The following HERC2 variants were observed in gnomAD, a reference collection of about 807,000 sequenced individuals.
HERC2 encodes the protein HECT and RLD domain containing E3 ubiquitin protein ligase 2, also known as E3 ubiquitin-protein ligase HERC2.
A neutral mutation model predicts 537.7 loss-of-function variants in HERC2; 102 were observed. The ratio of observed to expected loss-of-function variants is 0.19; its 90% CI spans 0.16 to 0.22. The LOEUF (loss-of-function observed/expected upper bound fraction) is 0.22. Among genes scored for constraint, HERC2 ranks in the 10% least tolerant of loss-of-function variants. HERC2 has a pLI of 1.00. For synonymous variants in HERC2, 2,224 were observed against 2,466.2 expected (o/e 0.90, Z 2.91); for missense variants, 4,236 against 6,198.2 (o/e 0.68, Z 10.63).
At position 28,232,896 on chromosome 15, in the gene HERC2, T is replaced by C. The variant is rs1296117375; in HGVS notation, c.4675+250A>G. 2.0e-5 allele frequency among the ~76,000 whole-genome samples: 3 copies of C among 152,378 alleles called. No homozygotes were observed. The South Asian group carries it at 6.2e-4, about 32-fold the overall frequency. ...CCATCAATTTAGTAAAGATTATTTA[T>C]GTTTTCAACATCAATTTACTAGTAA... is the stretch of plus-strand genomic sequence containing the variant. On this transcript the variant is annotated intron_variant, in intron 30 of 92. Coordinates refer to ENST00000261609, the MANE Select transcript of HERC2 (RefSeq NM_004667.6).
chr15:28,260,704 T>C (rs750174541), intron 16 of HERC2, 73 bp downstream of exon 16: 7 of 1,263,684 alleles, frequency 5.5e-6, no homozygotes, highest in Non-Finnish European at 7.9e-6. Flanking sequence ...CAGTGGTATT[T>C]TCTACATACT....
rs2075459238 is a variant in HERC2 at position 28,263,178 on chromosome 15, T to A, written c.1871-9A>T. Reference sequence around the variant, plus strand: ...CCAAGACCACACTTGCCCTAAAAAATACAAATGCATTTAAATAACAACAAC... The same window carrying A: ...CCAAGACCACACTTGCCCTAAAAAAAACAAATGCATTTAAATAACAACAAC... On this transcript the variant is annotated splice_polypyrimidine_tract_variant and intron_variant, in intron 14 of 92. Transcript: ENST00000261609. 4 of 1,595,284 alleles carry A rather than the reference T, an allele frequency of 2.5e-6. No homozygotes were observed. The highest frequency in any genetic ancestry group is 3.4e-6 in the Non-Finnish European group (4 of 1,168,156).
chr15:28,318,559 C>T (rs1288271935), intron 2 of HERC2, among the ~76,000 whole-genome samples: 8 of 151,782 alleles, frequency 5.3e-5, no homozygotes, highest in African/African-American at 1.9e-4. Context: ...ACCCAGGAGG[C>T]TTGCAGTGAG....
At chr15:28,220,033 T>C (rs137905339) in intron 37 of HERC2, among the ~76,000 whole-genome samples, 5,276 of 151,926 alleles carry the variant, frequency 0.035, 158 homozygotes, top group Non-Finnish European at 0.055. Flanking sequence ...AGGTGGCAGG[T>C]GGGGTGTGCT....
At chr15:28,253,976 A>T (rs1400386142) in intron 20 of HERC2, among the ~76,000 whole-genome samples, 1 of 150,666 alleles carries the variant, frequency 6.6e-6, no homozygotes, top group Admixed American at 6.6e-5. Context: ...AATAAATATT[A>T]AAAAAAAATA....
At chr15:28,129,780 CTTTTTT>C (rs36068402) in intron 83 of HERC2, among the ~76,000 whole-genome samples, 1 of 143,552 alleles carries the variant, frequency 7.0e-6, no homozygotes, top group South Asian at 2.2e-4. Context: ...CCTCTGCCTC[CTTTTTT>C]TTTTTTTTTT....
rs202106740 is a variant in HERC2 at position 28,124,250 on chromosome 15, G to T, written c.12991-16C>A. ...CCATGGGGACCTAGAACACAGAAAT[G>T]GCCTTCAGCCCCTCAGGCACCAAAG... On this transcript the variant is annotated splice_polypyrimidine_tract_variant and intron_variant, in intron 84 of 92. Transcript: ENST00000261609. 2.1e-6 allele frequency: 3 copies of T among 1,434,334 alleles called. No homozygotes were observed. In the African/African-American group the frequency reaches 4.4e-5, roughly 21 times the overall value. The allele number at this position is 1,434,334 out of a possible 1,614,324, so 88.9% of individuals were successfully genotyped here.
rs752419184 is a variant in HERC2, at chr15:28,209,354, T to TTTA, written c.7069+1647_7069+1648insTAA. 2.0e-5 allele frequency among the ~76,000 whole-genome samples: 3 copies of TTTA among 150,842 alleles called. No homozygotes were observed. The South Asian group carries it at 6.2e-4, about 31-fold the overall frequency. ...CATTTATTTTATTTTTATTTATTTA[T>TTTA]TTTTTTTGAGACAGAGTCTCGCTCT... On this transcript the variant is annotated intron_variant, in intron 44 of 92. Transcript: ENST00000261609.
At chr15:28,162,220 C>T (rs2142433503) in intron 69 of HERC2, among the ~76,000 whole-genome samples, 1 of 152,308 alleles carries the variant, frequency 6.6e-6, no homozygotes, top group East Asian at 1.9e-4. Context: ...ATCCCAGCTA[C>T]TCAGGAAGCT....
intron 2 of HERC2, among the ~76,000 whole-genome samples, chr15:28,307,054 C>T (rs901563226): frequency 6.6e-6 from 1 of 152,174 alleles, no homozygotes. Context: ...AGACTGGTCT[C>T]GAACTCCTGA....
rs1353706989 is a variant in HERC2 at position 28,179,007 on chromosome 15, C to A, written c.9043G>T (p.Ala3015Ser). ...FAVTVEGKVY[A>S]CGEATNGRLG... is the part of the protein sequence containing the mutation. ...CGGCCATTCGTGGCTTCTCCACAGG[C>A]ATACACCTTCCCTTCCACAGTCACT... The change falls in exon 59 of 93, where the codon GCC becomes TCC. Residue 3015 changes from alanine (A) to serine (S), a missense_variant. Ala to Ser is a moderately conservative substitution (Grantham distance 99). This residue lies in a region of HERC2 where 606 missense variants were observed against 884.5 expected (regional missense o/e 0.69). Coordinates refer to ENST00000261609, the MANE Select transcript of HERC2 (RefSeq NM_004667.6). 6.2e-6 allele frequency: 10 copies of A among 1,614,032 alleles called. No homozygotes were observed. The highest frequency in any genetic ancestry group is 1.3e-5 in the African/African-American group (1 of 74,948).
At chr15:28,283,841 C>G (rs1031420108) in intron 4 of HERC2, among the ~76,000 whole-genome samples, 1 of 152,154 alleles carries the variant, frequency 6.6e-6, no homozygotes, top group African/African-American at 2.4e-5. Flanking sequence ...ACACCAGGTA[C>G]AATCTGATAA....
chr15:28,124,352 C>G, intron 84 of HERC2, 118 bp from the exon 85 acceptor site: 2 of 619,638 alleles, frequency 3.2e-6, no homozygotes, highest in African/African-American at 3.8e-5. Flanking sequence ...ACTATGGTGT[C>G]TGAGTTTGGT....
intron 44 of HERC2, among the ~76,000 whole-genome samples, chr15:28,209,800 A>T (rs1034558739): frequency 2.2e-4 from 33 of 152,302 alleles, no homozygotes; most frequent in Non-Finnish European, 3.2e-4. Flanking sequence ...AGACTATATA[A>T]GTACCATCAT....
rs371224834 is a variant in HERC2, at chr15:28,292,911, C to T, written c.299G>A (p.Ser100Asn). The change falls in exon 4 of 93, where the codon AGC becomes AAC. Residue 100 changes from serine (S) to asparagine (N), a missense_variant. By Grantham distance (46) the Ser-to-Asn change is conservative. This residue lies in a region of HERC2 where 491 missense variants were observed against 559.3 expected (regional missense o/e 0.88). Coordinates refer to ENST00000261609, the MANE Select transcript of HERC2 (RefSeq NM_004667.6). Reference sequence around the variant, plus strand: ...ACCTGGTTGCTTGCCCCATACCCAGCTGTCCAGAATTGACTTGGCCCTATA... The same window carrying T: ...ACCTGGTTGCTTGCCCCATACCCAGTTGTCCAGAATTGACTTGGCCCTATA... ...PIYRAKSILD[S>N]WVWGKQPDVN... 3.2e-5 allele frequency: 52 copies of T among 1,610,610 alleles called. No homozygotes were observed. The highest frequency in any genetic ancestry group is 4.3e-5 in the Non-Finnish European group (51 of 1,179,674).
At position 28,117,068 on chromosome 15, in the gene HERC2, C is replaced by T. The variant is rs373222485; in HGVS notation, c.13359G>A (p.Ser4453=). The T allele has an allele frequency of 2.2e-5, 36 of 1,614,196 alleles. 1 individual carries two copies. The Middle Eastern group carries it at 4.9e-4, about 22-fold the overall frequency. ...VFGQMCAKMS[S]FGPDSLLLPH... Reference sequence around the variant, plus strand: ...GAAGGAGGAGGCTGTCGGGACCAAACGAGCTCATCTTAGCACACATCTGCC... The same window carrying T: ...GAAGGAGGAGGCTGTCGGGACCAAATGAGCTCATCTTAGCACACATCTGCC... The change falls in exon 87 of 93, where the codon TCG becomes TCA. Residue 4453 remains serine, a synonymous_variant. Coordinates refer to ENST00000261609, the MANE Select transcript of HERC2 (RefSeq NM_004667.6).
intron 8 of HERC2, 62 bp downstream of exon 8, chr15:28,272,832 G>T: frequency 9.3e-7 from 1 of 1,077,290 alleles, no homozygotes; most frequent in Non-Finnish European, 1.4e-6. Flanking sequence ...CACACACAAT[G>T]CAACAGGTAT....
At chr15:28,158,291 T>A (rs1309965853) in intron 69 of HERC2, among the ~76,000 whole-genome samples, 1 of 152,186 alleles carries the variant, frequency 6.6e-6, no homozygotes, top group Non-Finnish European at 1.5e-5. Flanking sequence ...TGGATATCCT[T>A]GTTAACTTTC....
intron 2 of HERC2, among the ~76,000 whole-genome samples, chr15:28,315,052 CTA>C (rs2077045530): frequency 1.3e-5 from 2 of 152,186 alleles, no homozygotes; most frequent in South Asian, 4.1e-4. Flanking sequence ...GTGCTGACTC[CTA>C]TGTTACTGCC....
Sources: gnomAD v4.1 joint callset for allele counts (sites outside exome capture counted in the v4.1 genomes callset) on GRCh38, gnomAD v4.1.1 for gene constraint, gnomAD v4.1.1 regional missense constraint, MANE v1.5 for transcripts, NCBI Gene and HGNC (gene_info 2026-07-23, HGNC 2026-07-21) for gene names.